Variants in TBC1D22A observed in about 807,000 individuals in gnomAD.
TBC1D22A encodes the protein putative GTPase activator.
A neutral mutation model predicts 60.2 loss-of-function variants in TBC1D22A; 38 were observed. That is an observed-to-expected ratio of 0.63 (90% confidence interval 0.49 to 0.83). The LOEUF (loss-of-function observed/expected upper bound fraction) is 0.83. Among genes scored for constraint, TBC1D22A ranks in the 40% least tolerant of loss-of-function variants. The pLI is 0.00. For missense variants in TBC1D22A, 628 were observed against 701.0 expected (o/e 0.90, Z 1.18); for synonymous variants, 302 against 281.7 (o/e 1.07, Z -0.72).
intron 4 of TBC1D22A, among the ~76,000 whole-genome samples, chr22:46,801,839 C>A (rs9627564): frequency 0.01 from 1,534 of 152,324 alleles, 22 homozygotes; most frequent in African/African-American, 0.035. Context: ...TTTATGAGAG[C>A]GTGCTGATAG....
At chr22:47,131,534 G>A (rs1375197436) in intron 12 of TBC1D22A, among the ~76,000 whole-genome samples, 1 of 152,230 alleles carries the variant, frequency 6.6e-6, no homozygotes, top group Non-Finnish European at 1.5e-5. Flanking sequence ...CATGTGATCT[G>A]TGACTCCATG....
intron 4 of TBC1D22A, among the ~76,000 whole-genome samples, chr22:46,854,883 G>A (rs998111288): frequency 3.9e-5 from 6 of 152,082 alleles, no homozygotes; most frequent in African/African-American, 1.2e-4. Context: ...CTGATCCCCC[G>A]GCTCATTGTT....
intron 11 of TBC1D22A, among the ~76,000 whole-genome samples, chr22:47,044,064 G>C (rs1291486349): frequency 1.1e-5 from 1 of 91,206 alleles, no homozygotes; most frequent in African/African-American, 4.5e-5. Context: ...CACTGGGGTG[G>C]AAGGGCATCG....
intron 4 of TBC1D22A, among the ~76,000 whole-genome samples, chr22:46,822,357 C>T (rs1317610790): frequency 6.6e-6 from 1 of 152,094 alleles, no homozygotes; most frequent in Admixed American, 6.6e-5. Context: ...TTCGTTGATT[C>T]TTTCTCATCT....
intron 1 of TBC1D22A, among the ~76,000 whole-genome samples, chr22:46,772,886 C>A (rs1028279353): frequency 6.6e-6 from 1 of 152,150 alleles, no homozygotes; most frequent in Non-Finnish European, 1.5e-5. Context: ...CCTTGGCCTC[C>A]CAAAGTGCAG....
chr22:47,025,191 G>A (rs1295658124), intron 10 of TBC1D22A, among the ~76,000 whole-genome samples: 1 of 152,168 alleles, frequency 6.6e-6, no homozygotes, highest in African/African-American at 2.4e-5. Context: ...CTCTCTTCAG[G>A]AAGTGTTAGA....
intron 4 of TBC1D22A, among the ~76,000 whole-genome samples, chr22:46,878,014 G>A (rs555746808): frequency 6.6e-6 from 1 of 152,008 alleles, no homozygotes; most frequent in Non-Finnish European, 1.5e-5. Flanking sequence ...CTCCCTACTC[G>A]TGATTTTTTT....
At chr22:47,133,504 T>A (rs969327338) in intron 12 of TBC1D22A, among the ~76,000 whole-genome samples, 13 of 152,160 alleles carry the variant, frequency 8.5e-5, no homozygotes, top group Non-Finnish European at 1.9e-4. Flanking sequence ...TGATTTTCAC[T>A]CCCAATGCCG....
intron 4 of TBC1D22A, among the ~76,000 whole-genome samples, chr22:46,842,283 A>G (rs545793492): frequency 6.6e-6 from 1 of 152,364 alleles, no homozygotes; most frequent in African/African-American, 2.4e-5. Context: ...GCCAAAAGCC[A>G]TATAGGCTGA....
chr22:46,821,201 G>A (rs2085814852), intron 4 of TBC1D22A, among the ~76,000 whole-genome samples: 1 of 151,968 alleles, frequency 6.6e-6, no homozygotes, highest in South Asian at 2.1e-4. Context: ...TTGCCAGTCT[G>A]TGTCTTTTAA....
intron 3 of TBC1D22A, among the ~76,000 whole-genome samples, chr22:46,797,063 C>G (rs986961309): frequency 2.0e-4 from 31 of 152,104 alleles, no homozygotes; most frequent in African/African-American, 7.5e-4. Context: ...CCTCCGCACT[C>G]AGGCCTGGCT....
chr22:47,059,654 G>A (rs2063505344), intron 11 of TBC1D22A, among the ~76,000 whole-genome samples: 1 of 152,152 alleles, frequency 6.6e-6, no homozygotes, highest in African/African-American at 2.4e-5. Context: ...ACCTCCAAGT[G>A]TGTAAGCCTC....
At chr22:47,056,726 C>T (rs116052781) in intron 11 of TBC1D22A, among the ~76,000 whole-genome samples, 3,604 of 152,298 alleles carry the variant, frequency 0.024, 153 homozygotes, top group African/African-American at 0.08. Context: ...GAACATGGTC[C>T]TATGACAGGG....
intron 8 of TBC1D22A, among the ~76,000 whole-genome samples, chr22:46,957,249 A>C (rs2073247787): frequency 6.6e-6 from 1 of 152,236 alleles, no homozygotes; most frequent in Admixed American, 6.5e-5. Context: ...AGGTTTGAGT[A>C]GTGCTGTATT....
intron 9 of TBC1D22A, among the ~76,000 whole-genome samples, chr22:46,976,791 G>A (rs571337691): frequency 6.6e-5 from 10 of 152,288 alleles, no homozygotes; most frequent in East Asian, 5.8e-4. Context: ...TGTTCCCAGC[G>A]TTCTTTCAAG....
At chr22:46,782,764 T>C (rs992893690) in intron 1 of TBC1D22A, among the ~76,000 whole-genome samples, 3 of 152,220 alleles carry the variant, frequency 2.0e-5, no homozygotes, top group East Asian at 1.9e-4. Context: ...CTCAGCTTCA[T>C]GTTGTCAGGA....
chr22:46,864,121 A>C (rs1246612821), intron 4 of TBC1D22A, among the ~76,000 whole-genome samples: 1 of 152,194 alleles, frequency 6.6e-6, no homozygotes, highest in Non-Finnish European at 1.5e-5. Flanking sequence ...TTGTAACCAG[A>C]AGCTGCCTGA....
intron 8 of TBC1D22A, among the ~76,000 whole-genome samples, chr22:46,971,063 G>T (rs1250884139): frequency 6.6e-6 from 1 of 152,190 alleles, no homozygotes; most frequent in African/African-American, 2.4e-5. Context: ...AACAATAAGG[G>T]TAATTCCAAT....
chr22:46,880,490 G>A (rs2067797740), intron 5 of TBC1D22A, among the ~76,000 whole-genome samples: 2 of 152,180 alleles, frequency 1.3e-5, no homozygotes, highest in South Asian at 4.1e-4. Flanking sequence ...GACTTATGAA[G>A]GGACAGGCAC....
Sources: gnomAD v4.1 joint callset for allele counts (sites outside exome capture counted in the v4.1 genomes callset) on GRCh38, gnomAD v4.1.1 for gene constraint, MANE v1.5 for transcripts, NCBI Gene and HGNC (gene_info 2026-07-23, HGNC 2026-07-21) for gene names.